The following CACNA1S variants were observed in gnomAD, a reference collection of about 807,000 sequenced individuals.
CACNA1S encodes voltage-dependent L-type calcium channel subunit alpha-1S.
A neutral mutation model predicts 207.4 loss-of-function variants in CACNA1S; 126 were observed. The ratio of observed to expected loss-of-function variants is 0.61; its 90% CI spans 0.53 to 0.70. The LOEUF is 0.70. Ranked by LOEUF, CACNA1S falls within the 30% of genes least tolerant of loss-of-function variation. The pLI, the probability that CACNA1S is intolerant of heterozygous loss-of-function variation, is 0.00. For missense variants in CACNA1S, 2,349 were observed against 2,422.8 expected (o/e 0.97, Z 0.64); for synonymous variants, 960 against 932.7 (o/e 1.03, Z -0.53).
At chr1:201,080,775 A>T (rs1464657645) in intron 10 of CACNA1S, among the ~76,000 whole-genome samples, 2 of 150,784 alleles carry the variant, frequency 1.3e-5, no homozygotes, top group African/African-American at 4.9e-5. Flanking sequence ...TTTAATTGTG[A>T]TCTCATCTTC....
intron 8 of CACNA1S, 30 bp downstream of exon 8, chr1:201,085,406 G>T (rs1342500630): frequency 6.2e-7 from 1 of 1,613,738 alleles, no homozygotes; most frequent in African/African-American, 1.3e-5. Flanking sequence ...AGAGTGGGGT[G>T]AGTGCTGACC....
chr1:201,064,698 C>A (rs1022204022), intron 22 of CACNA1S, among the ~76,000 whole-genome samples: 1 of 152,208 alleles, frequency 6.6e-6, no homozygotes, highest in Non-Finnish European at 1.5e-5. Context: ...GAATCAATTT[C>A]TCTGTCCTGC....
chr1:201,076,677 C>T (rs1201661204), intron 12 of CACNA1S, among the ~76,000 whole-genome samples: 3 of 152,228 alleles, frequency 2.0e-5, no homozygotes, highest in South Asian at 2.1e-4. Flanking sequence ...CAGCACTGTG[C>T]TGGGCACCAG....
At chr1:201,080,308 A>T (rs942706) in intron 10 of CACNA1S, among the ~76,000 whole-genome samples, 9,681 of 152,120 alleles carry the variant, frequency 0.064, 406 homozygotes, top group East Asian at 0.19. Context: ...ATACTTGGTC[A>T]TTAACCATTT....
rs1335676920 is a variant in CACNA1S at position 201,053,134 on chromosome 1, C to T, written c.3861+75G>A. ...GGGTCCAGCCCGTGTGCTGCTCAGG[C>T]TCCTCAGGGTCCACTGATGCCCCCT... On this transcript the variant is annotated intron_variant, in intron 31 of 43. Transcript: ENST00000362061. This position sits in a 1 kb window ranked among gnomAD's most constrained non-coding sequence, Gnocchi z 5.1. 33 of 1,530,666 alleles carry T rather than the reference C, an allele frequency of 2.2e-5. 1 individual carries two copies. Among genetic ancestry groups the T allele is most frequent in the Admixed American group, 1.7e-5 (1 of 59,892 alleles). 94.8% of individuals were successfully genotyped at this position (1,530,666 alleles called of 1,614,324 possible).
chr1:201,063,216 C>T lies in CACNA1S; in HGVS notation c.2854-702G>A, dbSNP rs954902565. Among the ~76,000 whole-genome samples the T allele has an allele frequency of 2.0e-5, 3 of 150,688 alleles. No homozygotes were observed. The East Asian group carries it at 5.8e-4, about 29-fold the overall frequency. On this transcript the variant is annotated intron_variant, in intron 22 of 43. Coordinates refer to ENST00000362061, the MANE Select transcript of CACNA1S (RefSeq NM_000069.3). The stretch of plus-strand genomic sequence containing the variant: ...CTTTAAGTTTTAGGGTACATGTGCA[C>T]ATTGTGGCAGTTACTCCTTTTATCT...
Position 201,087,944 on chromosome 1 carries a change from A to G in CACNA1S, c.901-15T>C. ...GCATCATTGACCTGGTCAGGACAGA[A>G]GTGTGATCCTCTGAGTTGAGGGCTT... On this transcript the variant is annotated splice_polypyrimidine_tract_variant and intron_variant, in intron 6 of 43. Coordinates refer to ENST00000362061, the MANE Select transcript of CACNA1S (RefSeq NM_000069.3). The G allele has an allele frequency of 1.3e-6, 2 of 1,554,516 alleles. No homozygotes were observed. The highest frequency in any genetic ancestry group is 4.5e-5 in the East Asian group (2 of 44,424).
Position 201,070,388 on chromosome 1 carries a change from A to T in CACNA1S, c.2244T>A (p.Asp748Glu). ...SADFPGDDEE[D>E]EPEIPLSPRP... Reference sequence around the variant, plus strand: ...GGGGGCTCAGCGGGATCTCAGGCTCATCTTCCTCGTCATCCCCTGTGGGGA... The same window carrying T: ...GGGGGCTCAGCGGGATCTCAGGCTCTTCTTCCTCGTCATCCCCTGTGGGGA... The change falls in exon 17 of 44, where the codon GAT becomes GAA. Residue 748 changes from aspartate to glutamate, a missense_variant. Physicochemically the swap from Asp to Glu is conservative, Grantham distance 45. Transcript: ENST00000362061. 2 of 1,613,984 alleles carry T rather than the reference A, an allele frequency of 1.2e-6. No homozygotes were observed. The highest frequency in any genetic ancestry group is 1.7e-6 in the Non-Finnish European group (2 of 1,179,978).
chr1:201,053,312 G>A lies in CACNA1S; in HGVS notation c.3796-38C>T. On this transcript the variant is annotated intron_variant, in intron 30 of 43. Transcript: ENST00000362061. This position sits in a 1 kb window ranked among gnomAD's most constrained non-coding sequence, Gnocchi z 5.1. ...CGGGAGCGCCAGTCAGTGTCTTAGG[G>A]CTCCACTGTGTGTCTGCAGCCCTGC... 1 of 1,613,248 alleles carries A rather than the reference G, an allele frequency of 6.2e-7. No homozygotes were observed.
Position 201,053,336 on chromosome 1 carries a change from G to A in CACNA1S, c.3796-62C>T. On this transcript the variant is annotated intron_variant, in intron 30 of 43. Transcript: ENST00000362061. This position sits in a 1 kb window ranked among gnomAD's most constrained non-coding sequence, Gnocchi z 5.1. ...GGCTCCACTGTGTGTCTGCAGCCCT[G>A]CCCTCTGTTAGCTCCCCAGGGCTCT... is the stretch of plus-strand genomic sequence containing the variant. 6.2e-7 allele frequency: 1 copy of A among 1,610,492 alleles called. No homozygotes were observed. The highest frequency in any genetic ancestry group is 1.3e-5 in the African/African-American group (1 of 74,944).
chr1:201,053,066 G>A lies in CACNA1S; in HGVS notation c.3861+143C>T. 1 of 962,918 alleles carries A rather than the reference G, an allele frequency of 1.0e-6. No individual in the cohort carries two copies. Among genetic ancestry groups the A allele is most frequent in the Non-Finnish European group, 1.7e-6 (1 of 595,620 alleles). The allele number at this position is 962,918 out of a possible 1,614,324, so 59.6% of individuals were successfully genotyped here. On this transcript the variant is annotated intron_variant, in intron 31 of 43. Transcript: ENST00000362061. The surrounding 1 kb of genome is among the most constrained non-coding windows in gnomAD (Gnocchi z 5.1). Reference sequence around the variant, plus strand: ...ACTCCAGCCATCCACGATCAGGGAGGTTGTCCCTCCTTCTTTCTCACGAGC... The same window carrying A: ...ACTCCAGCCATCCACGATCAGGGAGATTGTCCCTCCTTCTTTCTCACGAGC...
At chr1:201,062,380 C>T (rs918213134) in intron 23 of CACNA1S, 82 bp downstream of exon 23, 79 of 1,388,916 alleles carry the variant, frequency 5.7e-5, no homozygotes, top group Non-Finnish European at 7.4e-5. Flanking sequence ...CCGTAACCCT[C>T]CCACAGTGCT....
chr1:201,060,414 C>A (rs1438170255), intron 26 of CACNA1S, among the ~76,000 whole-genome samples: 1 of 152,202 alleles, frequency 6.6e-6, no homozygotes, highest in African/African-American at 2.4e-5. Context: ...TCTGTGGTAG[C>A]TATCTCCTGT....
chr1:201,084,422 C>T (rs1661958108), intron 9 of CACNA1S, among the ~76,000 whole-genome samples: 1 of 152,186 alleles, frequency 6.6e-6, no homozygotes, highest in African/African-American at 2.4e-5. Flanking sequence ...TGATGTATAG[C>T]TCTATTGTTT....
Position 201,087,857 on chromosome 1 carries a change from T to A in CACNA1S, c.973A>T (p.Ile325Phe). 1 of 1,613,744 alleles carries A rather than the reference T, an allele frequency of 6.2e-7. No individual in the cohort carries two copies. The highest frequency in any genetic ancestry group is 8.5e-7 in the Non-Finnish European group (1 of 1,179,816). The change falls in exon 7 of 44, where the codon ATC becomes TTC. Residue 325 changes from isoleucine to phenylalanine, a missense_variant. Ile to Phe is a conservative substitution (Grantham distance 21, BLOSUM62 0). Coordinates refer to ENST00000362061, the MANE Select transcript of CACNA1S (RefSeq NM_000069.3). Reference sequence around the variant, plus strand: ...AGGACACCCAGCACCAGGTTGAGGATGAAGAAGGATCCCAGCAAAATGAGG... The same window carrying A: ...AGGACACCCAGCACCAGGTTGAGGAAGAAGAAGGATCCCAGCAAAATGAGG... ...VTLILLGSFFILNLVLGVLSG... is the reference protein window; with the variant it reads ...VTLILLGSFFFLNLVLGVLSG...
At chr1:201,080,926 A>G (rs1385925879) in intron 10 of CACNA1S, among the ~76,000 whole-genome samples, 4 of 152,214 alleles carry the variant, frequency 2.6e-5, no homozygotes, top group African/African-American at 9.6e-5. Flanking sequence ...ATCTTAGTTT[A>G]GAATCCTTGG....
At chr1:201,062,762 C>T (rs948062570) in intron 22 of CACNA1S, among the ~76,000 whole-genome samples, 3 of 152,260 alleles carry the variant, frequency 2.0e-5, no homozygotes, top group Non-Finnish European at 4.4e-5. Flanking sequence ...AGCCTAGATG[C>T]TGCCAAGACC....
chr1:201,105,881 A>T (rs1662861036), intron 2 of CACNA1S, among the ~76,000 whole-genome samples: 1 of 151,994 alleles, frequency 6.6e-6, no homozygotes, highest in Non-Finnish European at 1.5e-5. Context: ...GCTCGCACAC[A>T]CGGCAACTGA....
rs145340252 is a variant in CACNA1S at position 201,043,333 on chromosome 1, C to T, written c.4996G>A (p.Ala1666Thr). Reference protein sequence around the residue: ...LARANTNNANANVAYGNSNHS... With the variant: ...LARANTNNANTNVAYGNSNHS... ...TTGCTGTTGCCATAGGCGACATTGG[C>T]GTTGGCATTGTTGGTATTGGCACGA... The change falls in exon 40 of 44, where the codon GCC becomes ACC. Residue 1666 changes from alanine (A) to threonine (T), a missense_variant. Transcript: ENST00000362061. 3.7e-5 allele frequency: 59 copies of T among 1,614,166 alleles called. 1 individual carries two copies. In the African/African-American group the frequency reaches 3.9e-4, roughly 11 times the overall value.
Sources: allele counts gnomAD v4.1 joint callset (sites outside exome capture counted in the v4.1 genomes callset), GRCh38; gene constraint gnomAD v4.1.1; non-coding constraint Gnocchi (gnomAD v3.1); transcripts MANE v1.5; gene names NCBI Gene and HGNC (gene_info 2026-07-23, HGNC 2026-07-21).